PPARA: variants seen among roughly 807,000 people sequenced by gnomAD.
The protein encoded by PPARA is peroxisome proliferator-activated receptor alpha.
A neutral mutation model predicts 42.2 loss-of-function variants in PPARA; 22 were observed. That is an observed-to-expected ratio of 0.52 (90% confidence interval 0.37 to 0.74). PPARA has a LOEUF of 0.74. Ranked by LOEUF, PPARA falls within the 30% of genes least tolerant of loss-of-function variation. The pLI is 0.00. For synonymous variants in PPARA, 242 were observed against 239.3 expected (o/e 1.01, Z -0.10); for missense variants, 465 against 608.2 (o/e 0.76, Z 2.48).
rs909470746 is a variant in PPARA, at chr22:46,203,384, A to G, written c.208+4793A>G. On this transcript the variant is annotated intron_variant, in intron 4 of 8. Transcript: ENST00000407236. The surrounding 1 kb of genome is among the most constrained non-coding windows in gnomAD (Gnocchi z 5.8). Reference sequence around the variant, plus strand: ...GGCTGGTTCACTCGGCCAAAGTACCATTTTATCTCTGCTTTTTCTTCCCGG... The same window carrying G: ...GGCTGGTTCACTCGGCCAAAGTACCGTTTTATCTCTGCTTTTTCTTCCCGG... 1.3e-5 allele frequency among the ~76,000 whole-genome samples: 2 copies of G among 152,168 alleles called. No homozygotes were observed. The highest frequency in any genetic ancestry group is 2.9e-5 in the Non-Finnish European group (2 of 68,040).
rs1936316802 is a variant in PPARA at position 46,239,619 on chromosome 22, T to C, written c.*4239T>C. ...TCTTGGGCTTAGGAGAAGCGGCCGA[T>C]GGTCCCGGCCTGCAGTGACAAACCC... is the stretch of plus-strand genomic sequence containing the variant. On this transcript the variant is annotated 3_prime_UTR_variant, in exon 9 of 9. Coordinates refer to ENST00000407236, the MANE Select transcript of PPARA (RefSeq NM_005036.6). The C allele has an allele frequency of 6.6e-6, 1 of 150,820 alleles. No homozygotes were observed. The highest frequency in any genetic ancestry group is 2.4e-5 in the African/African-American group (1 of 40,846). The allele number at this position is 150,820 out of a possible 1,614,324, so 9.3% of individuals were successfully genotyped here.
intron 4 of PPARA, among the ~76,000 whole-genome samples, chr22:46,208,176 A>G (rs1476177762): frequency 6.6e-6 from 1 of 152,170 alleles, no homozygotes; most frequent in Non-Finnish European, 1.5e-5. Context: ...GTTTTGGTCT[A>G]TGTTTACATT....
chr22:46,189,435 G>A (rs990302337), intron 3 of PPARA, among the ~76,000 whole-genome samples: 5 of 152,154 alleles, frequency 3.3e-5, no homozygotes, highest in African/African-American at 1.2e-4. Context: ...TTGTTTATGT[G>A]CCAAATTCTT....
At chr22:46,215,923 T>G (rs1934443799) in intron 5 of PPARA, among the ~76,000 whole-genome samples, 1 of 152,136 alleles carries the variant, frequency 6.6e-6, no homozygotes, top group Non-Finnish European at 1.5e-5. Context: ...TGGAACACTT[T>G]CATCCTGAAA....
At chr22:46,189,767 G>T (rs1228642886) in intron 3 of PPARA, among the ~76,000 whole-genome samples, 1 of 150,654 alleles carries the variant, frequency 6.6e-6, no homozygotes, top group Non-Finnish European at 1.5e-5. Context: ...GTGCAGTGGC[G>T]CAGTCTCAGC....
Position 46,235,039 on chromosome 22 carries a change from G to T in PPARA, c.1160-94G>T, listed in dbSNP as rs1936126143. On this transcript the variant is annotated intron_variant, in intron 8 of 8. Transcript: ENST00000407236. The surrounding 1 kb of genome is among the most constrained non-coding windows in gnomAD (Gnocchi z 7.0). Reference sequence around the variant, plus strand: ...GCAGCTCAGTTTTTTTCTAAGAAAGGCCACATAAAATAGGCATGTTTGGTT... The same window carrying T: ...GCAGCTCAGTTTTTTTCTAAGAAAGTCCACATAAAATAGGCATGTTTGGTT... 1 of 1,550,566 alleles carries T rather than the reference G, an allele frequency of 6.4e-7. No individual in the cohort carries two copies. Among genetic ancestry groups the T allele is most frequent in the Non-Finnish European group, 8.9e-7 (1 of 1,124,308 alleles).
intron 4 of PPARA, among the ~76,000 whole-genome samples, chr22:46,213,900 A>G (rs571372561): frequency 6.6e-6 from 1 of 152,110 alleles, no homozygotes; most frequent in East Asian, 1.9e-4. Context: ...CCATTTTTCA[A>G]TTGAGTTGTT....
chr22:46,157,476 G>C (rs1409814229), intron 2 of PPARA, among the ~76,000 whole-genome samples: 1 of 152,188 alleles, frequency 6.6e-6, no homozygotes, highest in Non-Finnish European at 1.5e-5. Flanking sequence ...GTTTCCTCCA[G>C]ATGTCCAATA....
intron 4 of PPARA, among the ~76,000 whole-genome samples, chr22:46,213,403 CTT>C (rs61615727): frequency 9.6e-5 from 13 of 134,812 alleles, no homozygotes; most frequent in Admixed American, 1.5e-4. Flanking sequence ...CATTTTCTTT[CTT>C]TTTTTTTTTT....
intron 4 of PPARA, among the ~76,000 whole-genome samples, chr22:46,208,387 A>G (rs1933598222): frequency 6.6e-6 from 1 of 152,000 alleles, no homozygotes; most frequent in South Asian, 2.1e-4. Context: ...GTCCCTACTA[A>G]AAACACAAAA....
intron 3 of PPARA, among the ~76,000 whole-genome samples, chr22:46,181,632 C>A (rs1303334581): frequency 6.6e-6 from 1 of 152,138 alleles, no homozygotes; most frequent in Non-Finnish European, 1.5e-5. Context: ...GAATGGCCTT[C>A]TTTTAATGTC....
chr22:46,213,581 C>CT (rs371062401), intron 4 of PPARA, among the ~76,000 whole-genome samples: 1,806 of 144,448 alleles, frequency 0.013, 39 homozygotes, highest in African/African-American at 0.042. Context: ...CTAACTTTTT[C>CT]TTTTTTTTTT....
intron 3 of PPARA, among the ~76,000 whole-genome samples, chr22:46,186,819 T>C (rs1322365452): frequency 6.6e-6 from 1 of 152,128 alleles, no homozygotes; most frequent in East Asian, 1.9e-4. Flanking sequence ...CCACAGTGGA[T>C]ACCTGAAGCC....
At chr22:46,152,132 ATTTTTTT>A (rs780789203) in intron 2 of PPARA, among the ~76,000 whole-genome samples, 162 bp downstream of exon 2, 57 of 104,672 alleles carry the variant, frequency 5.4e-4, no homozygotes, top group Non-Finnish European at 8.8e-4. Flanking sequence ...GCATGGATTC[ATTTTTTT>A]TTTTTTTTTT....
chr22:46,151,831 TG>T (rs1183676828), intron 1 of PPARA, 56 bp from the exon 2 acceptor site: 2 of 152,176 alleles, frequency 1.3e-5, no homozygotes, highest in African/African-American at 2.4e-5. Flanking sequence ...GGTGAAGAGT[TG>T]GGGGGCATCC....
Position 46,242,731 on chromosome 22 carries a change from G to GCACACACACACACACA in PPARA, c.*7366_*7381dup, listed in dbSNP as rs3840962. 1.4e-4 allele frequency: 19 copies of GCACACACACACACACA among 132,700 alleles called. No individual in the cohort carries two copies. Among genetic ancestry groups the GCACACACACACACACA allele is most frequent in the African/African-American group, 4.8e-4 (19 of 39,858 alleles). 8.2% of individuals were successfully genotyped at this position (132,700 alleles called of 1,614,324 possible). On this transcript the variant is annotated 3_prime_UTR_variant, in exon 9 of 9. Transcript: ENST00000407236. The surrounding 1 kb of genome is among the most constrained non-coding windows in gnomAD (Gnocchi z 6.1). ...AAATACACTGCGTACACGTGTGCGTGCACACACACACACACACACACACAC... is the reference window on the plus strand; with the variant it reads ...AAATACACTGCGTACACGTGTGCGTGCACACACACACACACACACACACACACACACACACACACAC...
chr22:46,168,291 G>A (rs1021085179), intron 2 of PPARA, among the ~76,000 whole-genome samples: 4 of 131,728 alleles, frequency 3.0e-5, no homozygotes, highest in Non-Finnish European at 6.2e-5. Flanking sequence ...GGCGGAGCTT[G>A]CAGTGAGCCA....
chr22:46,201,221 A>G (rs1388555038), intron 4 of PPARA, among the ~76,000 whole-genome samples: 1 of 151,810 alleles, frequency 6.6e-6, no homozygotes, highest in African/African-American at 2.4e-5. Context: ...CTTGCTCTAG[A>G]GGGCTATTCT....
At chr22:46,179,427 T>C (rs546883773) in intron 3 of PPARA, among the ~76,000 whole-genome samples, 2 of 152,252 alleles carry the variant, frequency 1.3e-5, no homozygotes, top group Non-Finnish European at 2.9e-5. Context: ...AAAAAACAAC[T>C]GGATTTTGAC....
Sources: allele counts gnomAD v4.1 joint callset (sites outside exome capture counted in the v4.1 genomes callset), GRCh38; gene constraint gnomAD v4.1.1; non-coding constraint Gnocchi (gnomAD v3.1); transcripts MANE v1.5; gene names NCBI Gene and HGNC (gene_info 2026-07-23, HGNC 2026-07-21).